Variants in EEIG2 observed in about 807,000 individuals in gnomAD.
The protein encoded by EEIG2 is EEIG family member 2, also known as family with sequence similarity 102 member B.
the EEIG2 span, among the ~76,000 whole-genome samples, chr1:108,574,814 A>G: frequency 6.6e-6 from 1 of 152,216 alleles, no homozygotes. Context: ...TTAAATGAAT[A>G]AATATTTCAT....
At chr1:108,602,985 C>T in the EEIG2 span, among the ~76,000 whole-genome samples, 1 of 152,058 alleles carries the variant, frequency 6.6e-6, no homozygotes, top group Non-Finnish European at 1.5e-5. Context: ...ATAACAGGCC[C>T]TAAAGTATAA....
the EEIG2 span, among the ~76,000 whole-genome samples, chr1:108,584,181 A>G: frequency 5.9e-5 from 9 of 152,170 alleles, no homozygotes; most frequent in African/African-American, 2.2e-4. Flanking sequence ...GGTAAAAGAG[A>G]CAAGAATAAA....
the EEIG2 span, among the ~76,000 whole-genome samples, chr1:108,568,747 G>A: frequency 1.3e-5 from 2 of 152,154 alleles, no homozygotes; most frequent in Non-Finnish European, 2.9e-5. Flanking sequence ...ATTGCTCTCA[G>A]GGTATTGTTC....
At chr1:108,629,554 T>C in the EEIG2 span, 12 of 1,379,016 alleles carry the variant, frequency 8.7e-6, no homozygotes, top group Non-Finnish European at 1.2e-5. Context: ...CTAATAATTG[T>C]ACATGTAACA....
the EEIG2 span, among the ~76,000 whole-genome samples, chr1:108,567,545 A>G: frequency 6.6e-6 from 1 of 152,226 alleles, no homozygotes; most frequent in Non-Finnish European, 1.5e-5. Flanking sequence ...ATGCTTTCTC[A>G]TTTTTATGTT....
the EEIG2 span, among the ~76,000 whole-genome samples, chr1:108,563,354 T>G: frequency 9.5e-3 from 1,451 of 152,294 alleles, 23 homozygotes; most frequent in African/African-American, 0.033. Context: ...ACAATTTAAT[T>G]CTAGAGAAGT....
At chr1:108,565,365 G>A in the EEIG2 span, among the ~76,000 whole-genome samples, 1 of 152,304 alleles carries the variant, frequency 6.6e-6, no homozygotes, top group East Asian at 1.9e-4. Flanking sequence ...ACCACATCGT[G>A]TATTTGGTCT....
the EEIG2 span, among the ~76,000 whole-genome samples, chr1:108,620,502 A>G: frequency 1.3e-5 from 2 of 152,186 alleles, no homozygotes; most frequent in Admixed American, 1.3e-4. Flanking sequence ...GAAAAAAGAT[A>G]TTTTGAGAGA....
At chr1:108,586,190 A>G in the EEIG2 span, among the ~76,000 whole-genome samples, 5 of 152,026 alleles carry the variant, frequency 3.3e-5, no homozygotes, top group Admixed American at 6.6e-5. Context: ...ACATGCATGC[A>G]GAAGACTCCA....
chr1:108,620,219 T>G, the EEIG2 span, among the ~76,000 whole-genome samples: 1 of 152,272 alleles, frequency 6.6e-6, no homozygotes, highest in African/African-American at 2.4e-5. Context: ...TAAATTGTTT[T>G]AAATTTACTT....
At chr1:108,561,754 C>A in the EEIG2 span, among the ~76,000 whole-genome samples, 1 of 152,240 alleles carries the variant, frequency 6.6e-6, no homozygotes, top group East Asian at 1.9e-4. Context: ...AAGAATGTAA[C>A]CTATTTTGGT....
the EEIG2 span, among the ~76,000 whole-genome samples, chr1:108,562,190 A>T: frequency 6.6e-6 from 1 of 152,220 alleles, no homozygotes; most frequent in African/African-American, 2.4e-5. Flanking sequence ...GGTAAGTGCG[A>T]TGCCAAGATT....
chr1:108,600,363 C>T, the EEIG2 span, among the ~76,000 whole-genome samples: 2 of 151,790 alleles, frequency 1.3e-5, no homozygotes, highest in Non-Finnish European at 2.9e-5. Context: ...ACTTTTTTTC[C>T]AGTTTCCAGT....
At chr1:108,586,820 A>G in the EEIG2 span, among the ~76,000 whole-genome samples, 1 of 152,178 alleles carries the variant, frequency 6.6e-6, no homozygotes, top group Non-Finnish European at 1.5e-5. Flanking sequence ...CTGTAATTGA[A>G]GAAACTGTTT....
the EEIG2 span, among the ~76,000 whole-genome samples, chr1:108,608,856 A>G: frequency 6.6e-6 from 1 of 152,200 alleles, no homozygotes; most frequent in Non-Finnish European, 1.5e-5. Flanking sequence ...GTGCTGGTGG[A>G]TCCAGTCTGG....
At chr1:108,560,473 C>G in the EEIG2 span, 1 of 1,613,282 alleles carries the variant, frequency 6.2e-7, no homozygotes, top group Non-Finnish European at 8.5e-7. Flanking sequence ...ACTTCGAGCT[C>G]GAGGAGCTCT....
At chr1:108,625,829 G>T in the EEIG2 span, 41 of 140,230 alleles carry the variant, frequency 2.9e-4, no homozygotes, top group African/African-American at 1.2e-3. Context: ...TGTGTGTGTG[G>T]AGAGAGAGAG....
the EEIG2 span, among the ~76,000 whole-genome samples, chr1:108,622,983 CCAGCACTT>C: frequency 6.6e-6 from 1 of 152,074 alleles, no homozygotes; most frequent in Non-Finnish European, 1.5e-5. Context: ...ACCTGTAATC[CCAGCACTT>C]CAGGAGGTCA....
At chr1:108,579,616 C>T in the EEIG2 span, among the ~76,000 whole-genome samples, 1 of 151,490 alleles carries the variant, frequency 6.6e-6, no homozygotes. Context: ...GAACTCTCTA[C>T]CCCAAATCAA....
Sources: gnomAD v4.1 joint callset for allele counts (sites outside exome capture counted in the v4.1 genomes callset) on GRCh38, gnomAD v4.1.1 for gene constraint, MANE v1.5 for transcripts, NCBI Gene and HGNC (gene_info 2026-07-23, HGNC 2026-07-21) for gene names.